Variants in MCCC1 observed in about 807,000 individuals in gnomAD.
MCCC1 encodes the protein methylcrotonoyl-CoA carboxylase subunit alpha, mitochondrial.
Under a neutral mutation model 83.8 loss-of-function variants are expected in MCCC1, and 64 were observed. The observed-to-expected ratio is 0.76, with a 90% CI of 0.62 to 0.94. The LOEUF (loss-of-function observed/expected upper bound fraction) is 0.94, where lower values mean the gene tolerates loss of function less well. MCCC1 is among the 40% of genes least tolerant of loss of function. The probability of loss-of-function intolerance (pLI) is 0.00; values close to 1 mark genes in which losing one functional copy is unlikely to be tolerated. For missense variants in MCCC1, 807 were observed against 904.7 expected (o/e 0.89, Z 1.39); for synonymous variants, 322 against 315.4 (o/e 1.02, Z -0.22).
At chr3:183,077,931 C>T (rs1254542451) in intron 4 of MCCC1, among the ~76,000 whole-genome samples, 1 of 152,146 alleles carries the variant, frequency 6.6e-6, no homozygotes, top group South Asian at 2.1e-4. Context: ...CAATTGACTA[C>T]ATATGTGAGT....
rs569218602 is a variant in MCCC1 at position 183,099,336 on chromosome 3, T to A, written c.89+16A>T. The A allele has an allele frequency of 6.3e-7, 1 of 1,586,162 alleles. No individual in the cohort carries two copies. Among genetic ancestry groups the A allele is most frequent in the Non-Finnish European group, 8.6e-7 (1 of 1,168,896 alleles). On this transcript the variant is annotated intron_variant, in intron 1 of 18. Transcript: ENST00000265594. ...GCTCCCGCCTCTGCCCACTGAGCCA[T>A]GGCCCCTCCACCCACCTCGGCGGCA...
At chr3:183,081,371 T>A (rs1717482718) in intron 4 of MCCC1, among the ~76,000 whole-genome samples, 1 of 152,212 alleles carries the variant, frequency 6.6e-6, no homozygotes, top group South Asian at 2.1e-4. Flanking sequence ...GTATCTCTTG[T>A]CCTCCTTAAA....
intron 17 of MCCC1, among the ~76,000 whole-genome samples, chr3:183,018,410 A>AT (rs1711868013): frequency 1.1e-5 from 1 of 94,574 alleles, no homozygotes; most frequent in Non-Finnish European, 2.2e-5. Context: ...TACAGGTCAA[A>AT]TGCACTGGTC....
At chr3:183,057,493 C>T (rs1715513245) in intron 7 of MCCC1, 71 bp from the exon 8 acceptor site, 1 of 1,168,224 alleles carries the variant, frequency 8.6e-7, no homozygotes, top group Non-Finnish European at 1.3e-6. Flanking sequence ...TTAAGCTAAA[C>T]TGTTAGGCAC....
At chr3:183,091,362 G>A (rs904314789) in intron 3 of MCCC1, among the ~76,000 whole-genome samples, 2 of 152,006 alleles carry the variant, frequency 1.3e-5, no homozygotes, top group African/African-American at 2.4e-5. Context: ...GAGGCCAGGA[G>A]TTCGAGACCA....
chr3:183,032,379 AT>A (rs1466218023), intron 14 of MCCC1, among the ~76,000 whole-genome samples: 1 of 152,156 alleles, frequency 6.6e-6, no homozygotes, highest in Non-Finnish European at 1.5e-5. Context: ...ATACTTCCAG[AT>A]TTGGGGGGTT....
chr3:183,054,188 A>T (rs1383698837), intron 8 of MCCC1, among the ~76,000 whole-genome samples: 20 of 122,220 alleles, frequency 1.6e-4, no homozygotes, highest in Non-Finnish European at 2.3e-4. Flanking sequence ...AGCCAAGAAA[A>T]TTTTTTTTTT....
At chr3:183,021,037 A>G (rs537686756) in intron 16 of MCCC1, among the ~76,000 whole-genome samples, 16 of 152,250 alleles carry the variant, frequency 1.1e-4, no homozygotes, top group Middle Eastern at 6.8e-3. Context: ...TCCAACCTGG[A>G]CAACAGAGCA....
Position 183,064,457 on chromosome 3 carries a change from G to C in MCCC1, c.761+6542C>G, listed in dbSNP as rs1436120188. Reference sequence around the variant, plus strand: ...CCTCGCTCCAGGAGACGCTTGGTGGGCACCCAGGAAGCTCCGTAAAGGCTT... The same window carrying C: ...CCTCGCTCCAGGAGACGCTTGGTGGCCACCCAGGAAGCTCCGTAAAGGCTT... On this transcript the variant is annotated intron_variant, in intron 7 of 18. Transcript: ENST00000265594. This position sits in a 1 kb window ranked among gnomAD's most constrained non-coding sequence, Gnocchi z 4.5. Among the ~76,000 whole-genome samples, 2 of 152,156 alleles carry C rather than the reference G, an allele frequency of 1.3e-5. No homozygotes were observed. The highest frequency in any genetic ancestry group is 3.9e-4 in the East Asian group (2 of 5,176).
chr3:183,098,442 C>T (rs1421452991), intron 1 of MCCC1: 2 of 152,208 alleles, frequency 1.3e-5, no homozygotes, highest in Non-Finnish European at 1.5e-5. Context: ...GTACTCGTAT[C>T]ATCTCCAAGG....
intron 9 of MCCC1, among the ~76,000 whole-genome samples, chr3:183,046,112 G>T (rs1714537407): frequency 6.6e-6 from 1 of 152,122 alleles, no homozygotes. Context: ...GTAGGCATGT[G>T]ATTTAGCAAT....
intron 4 of MCCC1, among the ~76,000 whole-genome samples, chr3:183,081,672 A>C (rs771453905): frequency 2.0e-5 from 3 of 152,268 alleles, no homozygotes; most frequent in Non-Finnish European, 4.4e-5. Flanking sequence ...TTTAGGGCAC[A>C]GGCACATACT....
At chr3:183,107,649 TC>T (rs1197842036) in intron 1 of MCCC1, among the ~76,000 whole-genome samples, 2 of 151,830 alleles carry the variant, frequency 1.3e-5, no homozygotes, top group Non-Finnish European at 2.9e-5. Flanking sequence ...TTCAAGTGAT[TC>T]TCATGCCTCA....
At chr3:183,044,727 C>T (rs1714396583) in intron 10 of MCCC1, among the ~76,000 whole-genome samples, 1 of 151,998 alleles carries the variant, frequency 6.6e-6, no homozygotes, top group African/African-American at 2.4e-5. Context: ...TGCTGGCTGC[C>T]CGGGCCTAGG....
chr3:183,065,741 A>G (rs1716210566), intron 7 of MCCC1, among the ~76,000 whole-genome samples: 2 of 152,354 alleles, frequency 1.3e-5, no homozygotes, highest in South Asian at 4.1e-4. Context: ...ATCTTGTAAA[A>G]GAAATTCTGT....
At chr3:183,082,100 C>CA (rs1717554796) in intron 4 of MCCC1, among the ~76,000 whole-genome samples, 1 of 152,218 alleles carries the variant, frequency 6.6e-6, no homozygotes, top group African/African-American at 2.4e-5. Flanking sequence ...TACGGCCCCC[C>CA]AAGTGTTCTT....
chr3:183,081,136 C>G (rs1181614591), intron 4 of MCCC1, among the ~76,000 whole-genome samples: 1 of 152,200 alleles, frequency 6.6e-6, no homozygotes, highest in Admixed American at 6.5e-5. Context: ...ACTAATTTCT[C>G]TTAGGAAGAA....
chr3:183,027,594 C>A (rs543814119), intron 14 of MCCC1, among the ~76,000 whole-genome samples: 1 of 152,270 alleles, frequency 6.6e-6, no homozygotes, highest in East Asian at 1.9e-4. Flanking sequence ...AGCAGGACTG[C>A]TTGAGCCTGG....
intron 1 of MCCC1, among the ~76,000 whole-genome samples, chr3:183,113,857 G>A (rs1719542970): frequency 6.6e-6 from 1 of 152,112 alleles, no homozygotes; most frequent in African/African-American, 2.4e-5. Context: ...AAAAATACAG[G>A]CAAAATAACC....
Sources: allele counts gnomAD v4.1 joint callset (sites outside exome capture counted in the v4.1 genomes callset), GRCh38; gene constraint gnomAD v4.1.1; non-coding constraint Gnocchi (gnomAD v3.1); transcripts MANE v1.5; gene names NCBI Gene and HGNC (gene_info 2026-07-23, HGNC 2026-07-21).